The following NDC1 variants were observed in gnomAD, a reference collection of about 807,000 sequenced individuals.
NDC1 encodes nucleoporin NDC1.
In NDC1, 24 loss-of-function variants were observed where a neutral mutation model predicts 89.8. That is an observed-to-expected ratio of 0.27 (90% CI 0.19 to 0.38). The LOEUF is 0.38. NDC1 is among the 10% of genes least tolerant of loss of function. NDC1 has a pLI of 1.00. For synonymous variants in NDC1, 296 were observed against 284.8 expected (o/e 1.04, Z -0.39); for missense variants, 728 against 797.6 (o/e 0.91, Z 1.05).
intron 3 of NDC1, among the ~76,000 whole-genome samples, chr1:53,828,972 C>T (rs547598287): frequency 1.3e-5 from 2 of 152,116 alleles, no homozygotes; most frequent in East Asian, 1.9e-4. Flanking sequence ...AATCCACTTA[C>T]GAAAAATAAA....
chr1:53,770,569 A>T lies in NDC1; in HGVS notation c.1961+1760T>A, dbSNP rs1391693813. On this transcript the variant is annotated intron_variant, in intron 17 of 17. Transcript: ENST00000371429. ...TGATCCGCCCGCCTTGGCCTCCCAAAGTGCTGGGATTACAGCCATGAGCCT... is the reference window on the plus strand; with the variant it reads ...TGATCCGCCCGCCTTGGCCTCCCAATGTGCTGGGATTACAGCCATGAGCCT... 3.9e-5 allele frequency among the ~76,000 whole-genome samples: 6 copies of T among 152,094 alleles called. No homozygotes were observed. In the East Asian group the frequency reaches 1.2e-3, roughly 29 times the overall value.
chr1:53,835,081 C>CA (rs1314800749), intron 2 of NDC1, among the ~76,000 whole-genome samples: 1 of 151,762 alleles, frequency 6.6e-6, no homozygotes, highest in Non-Finnish European at 1.5e-5. Context: ...GACTCTGTTT[C>CA]AAAAAAAGAA....
At chr1:53,827,902 C>T in intron 4 of NDC1, 97 bp downstream of exon 4, 1 of 913,926 alleles carries the variant, frequency 1.1e-6, no homozygotes, top group South Asian at 3.2e-5. Context: ...TTGCAGAAGT[C>T]TGGAAAGCAA....
chr1:53,805,988 G>A (rs1648092606), intron 9 of NDC1, among the ~76,000 whole-genome samples: 2 of 152,160 alleles, frequency 1.3e-5, no homozygotes, highest in African/African-American at 4.8e-5. Context: ...GCAGGAGAAT[G>A]GCGTGAACCC....
At chr1:53,808,318 A>C (rs1648183058) in intron 7 of NDC1, among the ~76,000 whole-genome samples, 1 of 152,238 alleles carries the variant, frequency 6.6e-6, no homozygotes, top group African/African-American at 2.4e-5. Context: ...GACTAGATCA[A>C]TTAGCAAAGT....
intron 6 of NDC1, among the ~76,000 whole-genome samples, chr1:53,811,327 A>C (rs1205548095): frequency 6.6e-6 from 1 of 151,942 alleles, no homozygotes; most frequent in Non-Finnish European, 1.5e-5. Flanking sequence ...CAGGTGGGGC[A>C]AGAACCAAGC....
At chr1:53,796,558 ATT>A in intron 13 of NDC1, 129 bp downstream of exon 13, 1 of 561,418 alleles carries the variant, frequency 1.8e-6, no homozygotes, top group East Asian at 2.9e-5. Flanking sequence ...TGGCTGTTTC[ATT>A]TGAGTCAATA....
chr1:53,822,397 G>A (rs1648703630), intron 5 of NDC1, among the ~76,000 whole-genome samples: 1 of 151,928 alleles, frequency 6.6e-6, no homozygotes, highest in Non-Finnish European at 1.5e-5. Flanking sequence ...ATATATATAA[G>A]ATAAAACCAC....
intron 11 of NDC1, 104 bp from the exon 12 acceptor site, chr1:53,797,248 AC>A: frequency 9.3e-7 from 1 of 1,080,034 alleles, no homozygotes; most frequent in Non-Finnish European, 1.3e-6. Flanking sequence ...TAACGCATTT[AC>A]CCAAAGCTCA....
intron 5 of NDC1, among the ~76,000 whole-genome samples, chr1:53,825,140 T>G (rs1648802421): frequency 1.3e-5 from 2 of 152,106 alleles, no homozygotes; most frequent in African/African-American, 4.8e-5. Flanking sequence ...GCCACTGCAC[T>G]CCAGCCTGGG....
chr1:53,811,972 C>G (rs1259912849), intron 6 of NDC1, among the ~76,000 whole-genome samples: 2 of 152,130 alleles, frequency 1.3e-5, no homozygotes, highest in Non-Finnish European at 2.9e-5. Context: ...CAGAGACAGG[C>G]AGACTCGCTG....
At position 53,796,693 on chromosome 1, in the gene NDC1, T is replaced by G. The variant is rs1451726391; in HGVS notation, c.1580A>C (p.Glu527Ala). Residue 527 changes from glutamate to alanine, a missense_variant, in exon 13 of 18, where the codon GAA (glutamate) becomes GCA (alanine). Physicochemically the swap from Glu to Ala is moderately radical, Grantham distance 107. Transcript: ENST00000371429. ...CCTATAACCATATCATCCTACCTGT[T>G]CACGTTTATTCTGAATCCATGAATA... is the stretch of plus-strand genomic sequence containing the variant. ...VIYSWIQNKR[E>A]QIKNFLSKRV... is the part of the protein sequence containing the mutation. 1.3e-6 allele frequency: 2 copies of G among 1,588,044 alleles called. No individual in the cohort carries two copies. Among genetic ancestry groups the G allele is most frequent in the Non-Finnish European group, 1.7e-6 (2 of 1,164,246 alleles).
At position 53,827,984 on chromosome 1, in the gene NDC1, T is replaced by C; in HGVS notation, c.455+15A>G. On this transcript the variant is annotated intron_variant, in intron 4 of 17. Coordinates refer to ENST00000371429, the MANE Select transcript of NDC1 (RefSeq NM_018087.5). ...AGTAAATGAGATTCCTAAGGAAATATATATTTAATATTACCTGTTAGTACC... is the reference window on the plus strand; with the variant it reads ...AGTAAATGAGATTCCTAAGGAAATACATATTTAATATTACCTGTTAGTACC... 1.3e-6 allele frequency: 2 copies of C among 1,573,696 alleles called. No individual in the cohort carries two copies. The highest frequency in any genetic ancestry group is 1.7e-6 in the Non-Finnish European group (2 of 1,156,202).
intron 13 of NDC1, among the ~76,000 whole-genome samples, chr1:53,794,097 TC>T (rs751834523): frequency 1.3e-5 from 2 of 152,054 alleles, no homozygotes; most frequent in Non-Finnish European, 2.9e-5. Flanking sequence ...TACCTCAGCC[TC>T]CCAAGTAGCT....
At chr1:53,778,900 G>A (rs1376157059) in intron 16 of NDC1, among the ~76,000 whole-genome samples, 6 of 151,846 alleles carry the variant, frequency 4.0e-5, no homozygotes, top group Non-Finnish European at 4.4e-5. Context: ...TCAACACTTC[G>A]GGAGGCCGAG....
chr1:53,829,782 CTGTT>C (rs1158028127), intron 3 of NDC1, among the ~76,000 whole-genome samples: 2 of 152,222 alleles, frequency 1.3e-5, no homozygotes, highest in Non-Finnish European at 2.9e-5. Flanking sequence ...AAAGAACACT[CTGTT>C]TAAGTGTGGC....
At chr1:53,811,383 CA>C (rs1318041446) in intron 6 of NDC1, among the ~76,000 whole-genome samples, 2 of 152,190 alleles carry the variant, frequency 1.3e-5, no homozygotes, top group African/African-American at 4.8e-5. Flanking sequence ...GGCAAGTTTT[CA>C]AGCCCATCTG....
At chr1:53,816,111 A>G (rs2100675513) in intron 6 of NDC1, among the ~76,000 whole-genome samples, 1 of 152,342 alleles carries the variant, frequency 6.6e-6, no homozygotes, top group East Asian at 1.9e-4. Flanking sequence ...TTAAATTCAT[A>G]TGGAACCAAA....
chr1:53,802,911 G>A (rs1356052076), intron 10 of NDC1, among the ~76,000 whole-genome samples: 1 of 152,082 alleles, frequency 6.6e-6, no homozygotes, highest in East Asian at 1.9e-4. Context: ...CATAGCAGAA[G>A]GAGGAGTCCT....
Sources: allele counts gnomAD v4.1 joint callset (sites outside exome capture counted in the v4.1 genomes callset), GRCh38; gene constraint gnomAD v4.1.1; transcripts MANE v1.5; gene names NCBI Gene and HGNC (gene_info 2026-07-23, HGNC 2026-07-21).